Variants in GALNT2 observed in about 807,000 individuals in gnomAD.
The protein encoded by GALNT2 is polypeptide N-acetylgalactosaminyltransferase 2, also known as UDP-GalNAc:polypeptide N-acetylgalactosaminyltransferase 2.
Under a neutral mutation model 81.4 loss-of-function variants are expected in GALNT2, and 31 were observed. The observed-to-expected ratio is 0.38, with a 90% CI of 0.29 to 0.51. The LOEUF is 0.51. Ranked by LOEUF, GALNT2 falls within the 20% of genes least tolerant of loss-of-function variation. GALNT2 has a pLI of 0.87. For missense variants in GALNT2, 629 were observed against 765.7 expected (o/e 0.82, Z 2.11); for synonymous variants, 303 against 287.4 (o/e 1.05, Z -0.55).
chr1:230,145,233 G>T (rs1478654965), intron 1 of GALNT2, among the ~76,000 whole-genome samples: 1 of 152,128 alleles, frequency 6.6e-6, no homozygotes, highest in East Asian at 1.9e-4. Context: ...TTGTTAGCAG[G>T]CAGGTTCCAG....
intron 1 of GALNT2, among the ~76,000 whole-genome samples, chr1:230,089,845 AC>A (rs1194296145): frequency 6.6e-6 from 1 of 152,152 alleles, no homozygotes; most frequent in African/African-American, 2.4e-5. Flanking sequence ...TATTCATCCT[AC>A]TGTGAACACA....
chr1:230,092,181 T>TTTTTTTTTTTTTTTG (rs1558280269), intron 1 of GALNT2: 4 of 114,004 alleles, frequency 3.5e-5, no homozygotes, highest in African/African-American at 1.1e-4. Context: ...CTTTAGTTTT[T>TTTTTTTTTTTTTTTG]TTTTTTTTTT....
At chr1:230,256,208 A>ATGGGCAGATCACCTGAGTT (rs1408676385) in intron 11 of GALNT2, among the ~76,000 whole-genome samples, 1 of 152,004 alleles carries the variant, frequency 6.6e-6, no homozygotes, top group Non-Finnish European at 1.5e-5. Context: ...GGAGGCCGAG[A>ATGGGCAGATCACCTGAGTT]TGGGCAGATC....
intron 1 of GALNT2, among the ~76,000 whole-genome samples, chr1:230,136,956 GAC>G (rs1461252445): frequency 1.3e-5 from 2 of 152,222 alleles, no homozygotes; most frequent in Non-Finnish European, 2.9e-5. Flanking sequence ...AGCGAAGCCA[GAC>G]ACACAGGCCC....
chr1:230,112,513 A>G (rs1466397150), intron 1 of GALNT2, among the ~76,000 whole-genome samples: 2 of 152,136 alleles, frequency 1.3e-5, no homozygotes, highest in Non-Finnish European at 2.9e-5. Context: ...CTGAATGGGC[A>G]GGATTGGGGT....
At chr1:230,185,407 A>G (rs565231437) in intron 2 of GALNT2, among the ~76,000 whole-genome samples, 2 of 151,918 alleles carry the variant, frequency 1.3e-5, no homozygotes, top group East Asian at 3.9e-4. Flanking sequence ...ACAGGCCTTT[A>G]GTTGTGTGGT....
At chr1:230,105,709 G>A (rs1967707) in intron 1 of GALNT2, among the ~76,000 whole-genome samples, 65,108 of 152,034 alleles carry the variant, frequency 0.43, 13,961 homozygotes, top group South Asian at 0.53. Context: ...GGGCTTCAGA[G>A]AACGTGAGCA....
intron 1 of GALNT2, among the ~76,000 whole-genome samples, chr1:230,069,718 G>A (rs1659316586): frequency 6.6e-6 from 1 of 152,064 alleles, no homozygotes; most frequent in Non-Finnish European, 1.5e-5. Flanking sequence ...AAAAAATGTG[G>A]TTTGTTTGGC....
chr1:230,142,818 G>A (rs1167598474), intron 1 of GALNT2, among the ~76,000 whole-genome samples: 1 of 152,148 alleles, frequency 6.6e-6, no homozygotes, highest in Non-Finnish European at 1.5e-5. Context: ...GGAAGGCTGG[G>A]TTTTTCTGAA....
At chr1:230,122,643 C>CGT (rs971532884) in intron 1 of GALNT2, among the ~76,000 whole-genome samples, 49 of 150,768 alleles carry the variant, frequency 3.3e-4, no homozygotes, top group Admixed American at 2.3e-3. Flanking sequence ...CATGTACATA[C>CGT]GTGTGTGTGT....
At chr1:230,109,750 C>A (rs554980080) in intron 1 of GALNT2, among the ~76,000 whole-genome samples, 13 of 152,062 alleles carry the variant, frequency 8.5e-5, no homozygotes, top group Admixed American at 8.5e-4. Context: ...ATCACTTGAA[C>A]CTGGGAGGCG....
rs551843359 is a variant in GALNT2 at position 230,122,788 on chromosome 1, T to C, written c.126+55382T>C. Among the ~76,000 whole-genome samples, 18 of 152,288 alleles carry C rather than the reference T, an allele frequency of 1.2e-4. No homozygotes were observed. In the South Asian group the frequency reaches 3.5e-3, roughly 30 times the overall value. ...GGATGAGCTGTGAATCTGTGGTGTA[T>C]ATATAGATCTCTGCACACGCGTATA... On this transcript the variant is annotated intron_variant, in intron 1 of 15. Coordinates refer to ENST00000366672, the MANE Select transcript of GALNT2 (RefSeq NM_004481.5).
intron 2 of GALNT2, among the ~76,000 whole-genome samples, chr1:230,190,820 C>T (rs919562698): frequency 3.3e-5 from 5 of 152,152 alleles, no homozygotes; most frequent in East Asian, 1.9e-4. Context: ...AGCAACATCT[C>T]GACCGCCATC....
chr1:230,097,768 C>T (rs1660292719), intron 1 of GALNT2, among the ~76,000 whole-genome samples: 1 of 152,114 alleles, frequency 6.6e-6, no homozygotes, highest in Non-Finnish European at 1.5e-5. Context: ...CTTGATATCT[C>T]AGGAAAATTT....
Position 230,189,325 on chromosome 1 carries a change from C to A in GALNT2, c.220+11014C>A, listed in dbSNP as rs560581949. On this transcript the variant is annotated intron_variant, in intron 2 of 15. Coordinates refer to ENST00000366672, the MANE Select transcript of GALNT2 (RefSeq NM_004481.5). ...CTGGGCTGTGTCTTCATCACAGCCA[C>A]CCCTCCCCGATGTGCTGTTGGTTCA... Among the ~76,000 whole-genome samples the A allele has an allele frequency of 2.0e-5, 3 of 152,252 alleles. No individual in the cohort carries two copies. The South Asian group carries it at 6.2e-4, about 32-fold the overall frequency.
chr1:230,203,159 T>A lies in GALNT2; in HGVS notation c.243T>A (p.Phe81Leu), dbSNP rs752268502. The part of the protein sequence containing the change: ...LPPGKVRWPD[F>L]NQEAYVGGTM... ...TAGGGAAAGTACGGTGGCCAGACTT[T>A]AACCAGGAAGCTTATGTTGGAGGGA... Residue 81 changes from phenylalanine (F) to leucine (L), a missense_variant, in exon 3 of 16, where the codon TTT (phenylalanine) becomes TTA (leucine). Around this residue, in one of 3 missense-constraint regions of GALNT2, gnomAD observed 360 missense variants for 492.8 expected, o/e 0.73. Transcript: ENST00000366672. 3.7e-6 allele frequency: 6 copies of A among 1,614,044 alleles called. No homozygotes were observed. The African/African-American group carries it at 8.0e-5, about 22-fold the overall frequency.
intron 1 of GALNT2, among the ~76,000 whole-genome samples, chr1:230,166,099 C>T (rs929127171): frequency 6.6e-6 from 1 of 150,510 alleles, no homozygotes; most frequent in Admixed American, 6.7e-5. Context: ...CTGCACAAAT[C>T]CTTTGTGAAA....
chr1:230,256,889 T>C (rs1052670616), intron 11 of GALNT2, among the ~76,000 whole-genome samples: 2 of 151,942 alleles, frequency 1.3e-5, no homozygotes, highest in African/African-American at 4.8e-5. Context: ...GGACAAGCAG[T>C]AGGAGAGGTT....
chr1:230,084,993 C>G (rs922343016), intron 1 of GALNT2, among the ~76,000 whole-genome samples: 1 of 152,170 alleles, frequency 6.6e-6, no homozygotes, highest in African/African-American at 2.4e-5. Flanking sequence ...CCCTTAAATC[C>G]TGTGCCCTAA....
Sources: gnomAD v4.1 joint callset for allele counts (sites outside exome capture counted in the v4.1 genomes callset) on GRCh38, gnomAD v4.1.1 for gene constraint, gnomAD v4.1.1 regional missense constraint, MANE v1.5 for transcripts, NCBI Gene and HGNC (gene_info 2026-07-23, HGNC 2026-07-21) for gene names.